The following RNPEP variants were observed in gnomAD, a reference collection of about 807,000 sequenced individuals.
RNPEP encodes the protein aminopeptidase B.
In RNPEP, 57 loss-of-function variants were observed where a neutral mutation model predicts 70.1. The observed-to-expected ratio is 0.81, with a 90% CI of 0.66 to 1.01. The LOEUF (loss-of-function observed/expected upper bound fraction) is 1.01. Among genes scored for constraint, RNPEP ranks in the 50% least tolerant of loss-of-function variants. The pLI is 0.00. For missense variants in RNPEP, 787 were observed against 852.4 expected, an observed-to-expected ratio of 0.92 and a Z score of 0.96; for synonymous variants, 335 against 357.4, an observed-to-expected ratio of 0.94 and a Z score of 0.71.
At position 202,004,481 on chromosome 1, in the gene RNPEP, G is replaced by A. The variant is rs1683969297; in HGVS notation, c.1779G>A (p.Glu593=). ...DHQEDFWKVK[E]FLHNQGKQKY... Reference sequence around the variant, plus strand: ...AGGAAGATTTCTGGAAAGTGAAGGAGTTCCTGCATAACCAGGTGGGTGACC... The same window carrying A: ...AGGAAGATTTCTGGAAAGTGAAGGAATTCCTGCATAACCAGGTGGGTGACC... Residue 593 remains glutamate (E), a synonymous_variant, in exon 10 of 11, where the codon GAG becomes GAA. Coordinates refer to ENST00000295640, the MANE Select transcript of RNPEP (RefSeq NM_020216.4). 6.2e-7 allele frequency: 1 copy of A among 1,613,744 alleles called. No individual in the cohort carries two copies. The highest frequency in any genetic ancestry group is 1.7e-5 in the Admixed American group (1 of 60,000).
chr1:202,005,346 C>T (rs1684011292), intron 10 of RNPEP, among the ~76,000 whole-genome samples: 1 of 152,224 alleles, frequency 6.6e-6, no homozygotes, highest in South Asian at 2.1e-4. Context: ...TGGATTGGGA[C>T]GCGTATTGAG....
intron 1 of RNPEP, among the ~76,000 whole-genome samples, chr1:201,984,821 CTTTT>C (rs200795347): frequency 0.028 from 3,426 of 121,600 alleles, 155 homozygotes; most frequent in South Asian, 0.059. Context: ...GTATTTCTTT[CTTTT>C]TTTTTTTTTT....
In RNPEP at chr1:201,989,499, C is replaced by G; in HGVS notation, c.705C>G (p.Ile235Met). The G allele has an allele frequency of 6.2e-7, 1 of 1,614,150 alleles. No individual in the cohort carries two copies. The highest frequency in any genetic ancestry group is 2.2e-5 in the East Asian group (1 of 44,880). ...CCTCCTATCTGATAGCTTTGGCCATCGGAGATCTGGTTTCGGCTGAAGTTG... is the reference window on the plus strand; with the variant it reads ...CCTCCTATCTGATAGCTTTGGCCATGGGAGATCTGGTTTCGGCTGAAGTTG... ...PIPSYLIALA[I>M]GDLVSAEVGP... The change falls in exon 3 of 11, where the codon ATC (isoleucine) becomes ATG (methionine). Residue 235 changes from isoleucine to methionine, a missense_variant. Coordinates refer to ENST00000295640, the MANE Select transcript of RNPEP (RefSeq NM_020216.4).
rs1328033516 is a variant in RNPEP, at chr1:201,984,832, T to C, written c.447+1719T>C. Among the ~76,000 whole-genome samples, 25 of 13,262 alleles carry C rather than the reference T, an allele frequency of 1.9e-3. 1 individual carries two copies. Among genetic ancestry groups the C allele is most frequent in the Non-Finnish European group, 3.1e-3 (14 of 4,512 alleles). The allele number at this position is 13,262 out of a possible 152,430, so 8.7% of individuals were successfully genotyped here. A position where few individuals can be genotyped will look rare whatever the true frequency, so the allele number is the denominator to read the frequency against. ...TTTTGTATTTCTTTCTTTTTTTTTT[T>C]TTTTTTTTTTTTTTTTTTTTTTTTT... On this transcript the variant is annotated intron_variant, in intron 1 of 10. Coordinates refer to ENST00000295640, the MANE Select transcript of RNPEP (RefSeq NM_020216.4).
chr1:202,000,104 G>A (rs1040871925), intron 6 of RNPEP, 89 bp downstream of exon 6: 8 of 924,684 alleles, frequency 8.7e-6, no homozygotes, highest in South Asian at 1.5e-5. Flanking sequence ...ATCAGTGCAC[G>A]CTTAGAATAC....
chr1:202,003,780 G>C (rs1308805933), intron 9 of RNPEP, among the ~76,000 whole-genome samples: 5 of 152,206 alleles, frequency 3.3e-5, no homozygotes. Context: ...TAAGGCTTTT[G>C]TGTCTATTAA....
rs527583503 is a variant in RNPEP, at chr1:202,003,746, C to T, written c.1651+285C>T. ...CACAAAGCCTGGCATTGCTCAAGTC[C>T]GAAGCTCCTGCAGGCGACTCTTGTA... On this transcript the variant is annotated intron_variant, in intron 9 of 10. Coordinates refer to ENST00000295640, the MANE Select transcript of RNPEP (RefSeq NM_020216.4). Among the ~76,000 whole-genome samples, 8 of 152,246 alleles carry T rather than the reference C, an allele frequency of 5.3e-5. No individual in the cohort carries two copies. The South Asian group carries it at 6.2e-4, about 12-fold the overall frequency.
intron 1 of RNPEP, among the ~76,000 whole-genome samples, chr1:201,987,957 A>G (rs1316579186): frequency 6.6e-6 from 1 of 151,484 alleles, no homozygotes; most frequent in Non-Finnish European, 1.5e-5. Flanking sequence ...CCTGACCAAC[A>G]TGATGAAACC....
intron 3 of RNPEP, among the ~76,000 whole-genome samples, chr1:201,993,671 T>C (rs1297809974): frequency 2.0e-5 from 3 of 150,144 alleles, no homozygotes; most frequent in Admixed American, 6.6e-5. Context: ...CCCAGCTACT[T>C]GGGAGGCTGA....
intron 5 of RNPEP, among the ~76,000 whole-genome samples, chr1:201,999,400 G>A (rs1045415549): frequency 2.0e-5 from 3 of 151,942 alleles, no homozygotes; most frequent in Non-Finnish European, 2.9e-5. Context: ...TTAGCTGGGC[G>A]TGGTGGTGCA....
Position 202,004,271 on chromosome 1 carries a change from G to T in RNPEP, c.1652-83G>T, listed in dbSNP as rs576257231. 514 of 1,478,640 alleles carry T rather than the reference G, an allele frequency of 3.5e-4. No homozygotes were observed. In the African/African-American group the frequency reaches 6.2e-3, roughly 18 times the overall value. The allele number at this position is 1,478,640 out of a possible 1,614,324, so 91.6% of individuals were successfully genotyped here. A position where few individuals can be genotyped will look rare whatever the true frequency, so the allele number is the denominator to read the frequency against. ...TCACATTCCTGACCTCAAGTGATCC[G>T]CCCACCTCAGCCTCCCAAAATTCTA... On this transcript the variant is annotated intron_variant, in intron 9 of 10. Transcript: ENST00000295640.
chr1:201,989,606 T>TG (rs899352847), intron 3 of RNPEP, 75 bp downstream of exon 3: 28 of 1,539,162 alleles, frequency 1.8e-5, no homozygotes, highest in African/African-American at 1.4e-4. Context: ...GTGGACCTGC[T>TG]GGGGGGGTTC....
rs1558267526 is a variant in RNPEP, at chr1:202,001,663, A to G, written c.1322A>G (p.Tyr441Cys). ...QDQFDSFLKA[Y>C]VHEFKFRSIL... ...AAGAGCTTTCCCTCCTCACAGGCCT[A>G]TGTGCATGAATTCAAATTCCGAAGC... The change falls in exon 8 of 11, where the codon TAT becomes TGT. Residue 441 changes from tyrosine to cysteine, a missense_variant. Transcript: ENST00000295640. 3.7e-6 allele frequency: 6 copies of G among 1,611,254 alleles called. No homozygotes were observed. The highest frequency in any genetic ancestry group is 1.3e-5 in the African/African-American group (1 of 74,858).
intron 3 of RNPEP, among the ~76,000 whole-genome samples, chr1:201,994,833 A>ATT (rs34077790): frequency 0.083 from 7,027 of 85,170 alleles, 556 homozygotes; most frequent in African/African-American, 0.12. Flanking sequence ...TGTCCTGCTA[A>ATT]TTTTTTTTTT....
chr1:202,005,314 T>C (rs10920303), intron 10 of RNPEP, among the ~76,000 whole-genome samples: 27,428 of 152,196 alleles, frequency 0.18, 2,683 homozygotes, highest in Non-Finnish European at 0.22. Context: ...TTTTGTTGAC[T>C]GTAGACGTCC....
At chr1:201,984,848 T>C (rs1309484651) in intron 1 of RNPEP, among the ~76,000 whole-genome samples, 15 of 61,968 alleles carry the variant, frequency 2.4e-4, no homozygotes, top group Non-Finnish European at 2.9e-4. Context: ...TTTTTTTTTT[T>C]TTTTTTTTTG....
At position 202,005,784 on chromosome 1, in the gene RNPEP, A is replaced by T; in HGVS notation, c.*68A>T. ...TTTCAGAATAATTGTTTGTTCCCAA[A>T]TTCCTGTTCCCTGATCAACTTCCTG... On this transcript the variant is annotated 3_prime_UTR_variant, in exon 11 of 11. Coordinates refer to ENST00000295640, the MANE Select transcript of RNPEP (RefSeq NM_020216.4). 6.4e-7 allele frequency: 1 copy of T among 1,562,478 alleles called. No homozygotes were observed. The highest frequency in any genetic ancestry group is 8.8e-7 in the Non-Finnish European group (1 of 1,136,628).
intron 8 of RNPEP, 91 bp downstream of exon 8, chr1:202,001,858 C>CA (rs35227221): frequency 0.3 from 265,611 of 884,692 alleles, 43,495 homozygotes; most frequent in South Asian, 0.49. Flanking sequence ...GATGGGAAAA[C>CA]ACTGGGTCAG....
chr1:202,005,349 G>T (rs532108154), intron 10 of RNPEP, among the ~76,000 whole-genome samples: 1 of 152,154 alleles, frequency 6.6e-6, no homozygotes. Context: ...ATTGGGACGC[G>T]TATTGAGATC....
Sources: allele counts gnomAD v4.1 joint callset (sites outside exome capture counted in the v4.1 genomes callset), GRCh38; gene constraint gnomAD v4.1.1; transcripts MANE v1.5; gene names NCBI Gene and HGNC (gene_info 2026-07-23, HGNC 2026-07-21).